RBPMS: variants seen among roughly 807,000 people sequenced by gnomAD.
The protein encoded by RBPMS is RNA binding protein, mRNA processing factor.
A neutral mutation model predicts 26.8 loss-of-function variants in RBPMS; 7 were observed. The ratio of observed to expected loss-of-function variants is 0.26; its 90% CI spans 0.15 to 0.49. The LOEUF (loss-of-function observed/expected upper bound fraction) is 0.49, where lower values mean the gene tolerates loss of function less well. Among genes scored for constraint, RBPMS ranks in the 20% least tolerant of loss-of-function variants. The pLI is 0.98. For missense variants in RBPMS, 186 were observed against 250.0 expected (o/e 0.74, Z 1.73); for synonymous variants, 96 against 93.3 (o/e 1.03, Z -0.17).
chr8:30,530,940 C>T (rs1368206407), intron 5 of RBPMS, among the ~76,000 whole-genome samples: 1 of 152,086 alleles, frequency 6.6e-6, no homozygotes, highest in Non-Finnish European at 1.5e-5. Context: ...AAACATTATA[C>T]CAATCCCTCA....
chr8:30,411,681 A>AAAAAAAAAAAG (rs1554507355), intron 1 of RBPMS, among the ~76,000 whole-genome samples: 2 of 127,954 alleles, frequency 1.6e-5, no homozygotes, highest in Admixed American at 1.7e-4. Context: ...AAAAAAAAAA[A>AAAAAAAAAAAG]AAAGAAAAAG....
Position 30,566,314 on chromosome 8 carries a change from G to T in RBPMS, c.*65G>T. 1 of 985,560 alleles carries T rather than the reference G, an allele frequency of 1.0e-6. No homozygotes were observed. The highest frequency in any genetic ancestry group is 1.2e-6 in the Non-Finnish European group (1 of 829,644). The allele number at this position is 985,560 out of a possible 1,614,324, so 61.1% of individuals were successfully genotyped here. A position where few individuals can be genotyped will look rare whatever the true frequency, so the allele number is the denominator to read the frequency against. On this transcript the variant is annotated 3_prime_UTR_variant, in exon 8 of 9. Coordinates refer to ENST00000397323, the MANE Select transcript of RBPMS (RefSeq NM_001008710.3). ...CTTGTGGGTATTAATGCAATCTTCA[G>T]TGGTGGCTACTGTTCTCTAGCTGTT...
chr8:30,499,972 GTC>G (rs1820380574), intron 4 of RBPMS, among the ~76,000 whole-genome samples: 1 of 151,994 alleles, frequency 6.6e-6, no homozygotes, highest in African/African-American at 2.4e-5. Context: ...ATTATACTAT[GTC>G]TGCAATTTTT....
At chr8:30,453,316 GAATCTA>G (rs1221782174) in intron 1 of RBPMS, among the ~76,000 whole-genome samples, 3 of 152,152 alleles carry the variant, frequency 2.0e-5, no homozygotes, top group Admixed American at 2.0e-4. Context: ...TACTAAATCA[GAATCTA>G]CATTTCAATA....
chr8:30,389,946 CTT>C (rs142719933), intron 1 of RBPMS, among the ~76,000 whole-genome samples: 35 of 152,286 alleles, frequency 2.3e-4, no homozygotes, highest in African/African-American at 7.5e-4. Flanking sequence ...GTCCTTACCT[CTT>C]TGAGCTTCAG....
In RBPMS at chr8:30,560,633, G is replaced by A. The variant is rs552867749; in HGVS notation, c.*7+1677G>A. Among the ~76,000 whole-genome samples, 10 of 152,216 alleles carry A rather than the reference G, an allele frequency of 6.6e-5. No homozygotes were observed. In the East Asian group the frequency reaches 7.7e-4, roughly 12 times the overall value. ...ATAATAATAGTCCTCAGGGGCAATCGCAGGTGAAGTACACAAATCCTTCCA... is the reference window on the plus strand; with the variant it reads ...ATAATAATAGTCCTCAGGGGCAATCACAGGTGAAGTACACAAATCCTTCCA... On this transcript the variant is annotated intron_variant, in intron 7 of 8. Transcript: ENST00000397323.
chr8:30,475,819 A>T (rs576172297), intron 2 of RBPMS, among the ~76,000 whole-genome samples: 3 of 152,220 alleles, frequency 2.0e-5, no homozygotes, highest in African/African-American at 7.2e-5. Flanking sequence ...GCACCATGTC[A>T]TAAGGGACAT....
chr8:30,386,293 A>G (rs1215851435), intron 1 of RBPMS, among the ~76,000 whole-genome samples: 1 of 152,232 alleles, frequency 6.6e-6, no homozygotes, highest in African/African-American at 2.4e-5. Context: ...TTGCAGAGGA[A>G]TTCATTAATA....
chr8:30,540,118 C>G (rs180733538), intron 5 of RBPMS, among the ~76,000 whole-genome samples: 2 of 152,278 alleles, frequency 1.3e-5, no homozygotes, highest in East Asian at 3.9e-4. Flanking sequence ...GAAGAGGCAT[C>G]TAAGCAGAGC....
chr8:30,386,246 T>C (rs1807064400), intron 1 of RBPMS, among the ~76,000 whole-genome samples: 1 of 152,210 alleles, frequency 6.6e-6, no homozygotes, highest in African/African-American at 2.4e-5. Context: ...AGACACTATG[T>C]TGTGTGCAAA....
Position 30,549,809 on chromosome 8 carries a change from T to TCCCCTCTCTC in RBPMS, c.528+5186_528+5187insCCCTCTCTCC, listed in dbSNP as rs766646710. ...CTCTCTCTCTCTCCCCTCTCTCCTCTCTCTCTCTCTCTCTCTCTTTTCTTT... is the reference window on the plus strand; with the variant it reads ...CTCTCTCTCTCTCCCCTCTCTCCTCTCCCCTCTCTCCTCTCTCTCTCTCTCTCTTTTCTTT... On this transcript the variant is annotated intron_variant, in intron 6 of 8. Coordinates refer to ENST00000397323, the MANE Select transcript of RBPMS (RefSeq NM_001008710.3). Among the ~76,000 whole-genome samples the TCCCCTCTCTC allele has an allele frequency of 9.2e-3, 849 of 92,410 alleles. 19 individuals are homozygous for TCCCCTCTCTC. The highest frequency in any genetic ancestry group is 0.024 in the African/African-American group (547 of 22,624). 60.6% of individuals were successfully genotyped at this position (92,410 alleles called of 152,430 possible). A position where few individuals can be genotyped will look rare whatever the true frequency, so the allele number is the denominator to read the frequency against.
At chr8:30,542,962 A>G (rs893153643) in intron 5 of RBPMS, among the ~76,000 whole-genome samples, 1 of 152,176 alleles carries the variant, frequency 6.6e-6, no homozygotes, top group African/African-American at 2.4e-5. Context: ...CACCCTGACT[A>G]ATAATGATCA....
intron 1 of RBPMS, among the ~76,000 whole-genome samples, chr8:30,424,271 GTTC>G (rs1563305591): frequency 1.3e-5 from 2 of 152,318 alleles, no homozygotes; most frequent in East Asian, 1.9e-4. Context: ...TTTGAAGCTA[GTTC>G]TTCTTGAATA....
Position 30,570,959 on chromosome 8 carries a change from A to ATGCT in RBPMS, c.*437_*440dup, listed in dbSNP as rs1360521553. The ATGCT allele has an allele frequency of 6.6e-6, 1 of 152,152 alleles. No homozygotes were observed. The highest frequency in any genetic ancestry group is 1.5e-5 in the Non-Finnish European group (1 of 68,032). 9.4% of individuals were successfully genotyped at this position (152,152 alleles called of 1,614,324 possible). A position where few individuals can be genotyped will look rare whatever the true frequency, so the allele number is the denominator to read the frequency against. On this transcript the variant is annotated 3_prime_UTR_variant, in exon 9 of 9. Coordinates refer to ENST00000397323, the MANE Select transcript of RBPMS (RefSeq NM_001008710.3). ...CACAGTTTTTGTTCTTGACTTTTGA[A>ATGCT]TGCTTGTAATTAAAAATATCTATTT...
At chr8:30,486,364 TAA>T (rs140824181) in intron 4 of RBPMS, among the ~76,000 whole-genome samples, 6 of 140,466 alleles carry the variant, frequency 4.3e-5, no homozygotes, top group Admixed American at 2.8e-4. Context: ...ATAAATAACA[TAA>T]AAAAAAAACA....
At chr8:30,463,872 G>A (rs1585554706) in intron 1 of RBPMS, among the ~76,000 whole-genome samples, 1 of 152,206 alleles carries the variant, frequency 6.6e-6, no homozygotes. Context: ...GAACTCACAA[G>A]GTTTGGTGGC....
Position 30,570,794 on chromosome 8 carries a change from T to C in RBPMS, c.*269T>C, listed in dbSNP as rs1828219528. On this transcript the variant is annotated 3_prime_UTR_variant, in exon 9 of 9. Coordinates refer to ENST00000397323, the MANE Select transcript of RBPMS (RefSeq NM_001008710.3). ...AAATAGCGTATTATTTGTGAATGCA[T>C]GGTCTGAAATTTCTGTACAGTTTGG... 1 of 152,654 alleles carries C rather than the reference T, an allele frequency of 6.6e-6. No individual in the cohort carries two copies. The highest frequency in any genetic ancestry group is 2.4e-5 in the African/African-American group (1 of 41,458). The allele number at this position is 152,654 out of a possible 1,614,324, so 9.5% of individuals were successfully genotyped here. A position where few individuals can be genotyped will look rare whatever the true frequency, so the allele number is the denominator to read the frequency against.
At chr8:30,554,172 G>A (rs185931315) in intron 6 of RBPMS, among the ~76,000 whole-genome samples, 57 of 152,346 alleles carry the variant, frequency 3.7e-4, no homozygotes, top group Non-Finnish European at 8.1e-4. Flanking sequence ...ATCTGCACTA[G>A]GGAAGGTGAG....
At chr8:30,568,332 G>A (rs1404477256) in intron 8 of RBPMS, among the ~76,000 whole-genome samples, 1 of 152,162 alleles carries the variant, frequency 6.6e-6, no homozygotes, top group African/African-American at 2.4e-5. Flanking sequence ...GATCAAGGGA[G>A]GCTTTCCTCT....
Sources: allele counts gnomAD v4.1 joint callset (sites outside exome capture counted in the v4.1 genomes callset), GRCh38; gene constraint gnomAD v4.1.1; transcripts MANE v1.5; gene names NCBI Gene and HGNC (gene_info 2026-07-23, HGNC 2026-07-21).